The following NSUN2 variants were observed in gnomAD, a reference collection of about 807,000 sequenced individuals.
The protein encoded by NSUN2 is RNA cytosine C(5)-methyltransferase NSUN2.
A neutral mutation model predicts 92.7 loss-of-function variants in NSUN2; 63 were observed. That is an observed-to-expected ratio of 0.68 (90% confidence interval 0.56 to 0.84). NSUN2 has a LOEUF of 0.84. Among genes scored for constraint, NSUN2 ranks in the 40% least tolerant of loss-of-function variants. NSUN2 has a pLI of 0.00. For synonymous variants in NSUN2, 356 were observed against 348.3 expected, an observed-to-expected ratio of 1.02 and a Z score of -0.25; for missense variants, 989 against 964.9, an observed-to-expected ratio of 1.02 and a Z score of -0.33.
At chr5:6,631,228 C>T (rs538520146) in intron 3 of NSUN2, among the ~76,000 whole-genome samples, 69 of 152,308 alleles carry the variant, frequency 4.5e-4, no homozygotes, top group Non-Finnish European at 9.1e-4. Flanking sequence ...CTGGCGCCTC[C>T]GGAGTTCTCC....
chr5:6,631,024 G>A (rs1462081070), intron 3 of NSUN2, among the ~76,000 whole-genome samples: 2 of 152,212 alleles, frequency 1.3e-5, no homozygotes, highest in African/African-American at 2.4e-5. Context: ...AACCAGGGAG[G>A]TGGAGCTTGC....
intron 9 of NSUN2, among the ~76,000 whole-genome samples, chr5:6,612,957 C>T (rs1474927806): frequency 6.6e-6 from 1 of 152,192 alleles, no homozygotes; most frequent in African/African-American, 2.4e-5. Context: ...CACCAGCAAC[C>T]ACCCACTCTA....
rs1426983461 is a variant in NSUN2 at position 6,631,959 on chromosome 5, G to A, written c.273C>T (p.Leu91=). Residue 91 remains leucine, a synonymous_variant, in exon 3 of 19, where the codon CTC becomes CTT. Transcript: ENST00000264670. ...TGYKSHAKEI[L]HCLKNKYFKE... ...TAAAATATTTGTTCTTTAAGCAATG[G>A]AGAATCTCTTTTGCGTGGCTATTGA... is the stretch of plus-strand genomic sequence containing the variant. 1.3e-5 allele frequency: 21 copies of A among 1,613,036 alleles called. No individual in the cohort carries two copies. The highest frequency in any genetic ancestry group is 1.1e-4 in the South Asian group (10 of 90,732).
chr5:6,608,107 G>A (rs1307194402), intron 12 of NSUN2, among the ~76,000 whole-genome samples: 1 of 152,212 alleles, frequency 6.6e-6, no homozygotes, highest in African/African-American at 2.4e-5. Context: ...GAGCCACAAA[G>A]CTACTGAGCA....
In NSUN2 at chr5:6,625,550, A is replaced by C; in HGVS notation, c.465+14T>G. On this transcript the variant is annotated intron_variant, in intron 4 of 18. Coordinates refer to ENST00000264670, the MANE Select transcript of NSUN2 (RefSeq NM_017755.6). ...GCTTTAAGGAAACTAGCAAGTCTAA[A>C]GAAATCAACTTACAGATTCTGTTTC... 1.3e-6 allele frequency: 2 copies of C among 1,589,718 alleles called. No individual in the cohort carries two copies. Among genetic ancestry groups the C allele is most frequent in the East Asian group, 2.2e-5 (1 of 44,772 alleles).
chr5:6,604,971 T>C, intron 15 of NSUN2: 1 of 592,774 alleles, frequency 1.7e-6, no homozygotes, highest in East Asian at 2.8e-5. Flanking sequence ...TCGCAGCCTC[T>C]ACACCTTTAG....
Position 6,632,703 on chromosome 5 carries a change from G to T in NSUN2, c.150C>A (p.His50Gln). 6.2e-7 allele frequency: 1 copy of T among 1,614,160 alleles called. No individual in the cohort carries two copies. Among genetic ancestry groups the T allele is most frequent in the Non-Finnish European group, 8.5e-7 (1 of 1,180,024 alleles). The part of the protein sequence containing the change: ...EIVKENKLFE[H>Q]YYQELKIVPE... ...GCACGATCTTGAGCTCCTGGTAGTA[G>T]TGCTCGAACAGCTTGTTCTCCTTGA... The change falls in exon 2 of 19, where the codon CAC becomes CAA. Residue 50 changes from histidine to glutamine, a missense_variant. By Grantham distance (24) the His-to-Gln change is conservative. Transcript: ENST00000264670.
intron 4 of NSUN2, among the ~76,000 whole-genome samples, chr5:6,623,502 A>G (rs943966618): frequency 4.6e-5 from 7 of 152,216 alleles, no homozygotes; most frequent in African/African-American, 1.7e-4. Flanking sequence ...AAATTCAGGT[A>G]TAATACCAAC....
At chr5:6,613,769 G>A (rs1294814612) in intron 9 of NSUN2, among the ~76,000 whole-genome samples, 1 of 152,186 alleles carries the variant, frequency 6.6e-6, no homozygotes, top group African/African-American at 2.4e-5. Flanking sequence ...AAGCTGGACA[G>A]GGAAAGAGGG....
intron 18 of NSUN2, among the ~76,000 whole-genome samples, chr5:6,601,273 A>G (rs149469758): frequency 4.7e-4 from 71 of 152,220 alleles, no homozygotes; most frequent in African/African-American, 1.6e-3. Context: ...AAATATCCCA[A>G]TATTTTCTAT....
chr5:6,612,559 T>C (rs996558835), intron 9 of NSUN2, among the ~76,000 whole-genome samples: 1 of 152,156 alleles, frequency 6.6e-6, no homozygotes, highest in Non-Finnish European at 1.5e-5. Flanking sequence ...CAGATACTGA[T>C]GTGACAGCCT....
intron 9 of NSUN2, 125 bp downstream of exon 9, chr5:6,616,602 C>T (rs1737221247): frequency 6.2e-6 from 1 of 160,138 alleles, no homozygotes; most frequent in Non-Finnish European, 9.5e-6. Context: ...GGGAATATAC[C>T]TAACGGGACT....
At chr5:6,613,277 A>G (rs142868406) in intron 9 of NSUN2, among the ~76,000 whole-genome samples, 4 of 152,392 alleles carry the variant, frequency 2.6e-5, no homozygotes, top group African/African-American at 2.4e-5. Context: ...AACACAATCA[A>G]AACTATTCAA....
Position 6,611,747 on chromosome 5 carries a change from A to G in NSUN2, c.1073T>C (p.Met358Thr). 2 of 1,614,192 alleles carry G rather than the reference A, an allele frequency of 1.2e-6. No individual in the cohort carries two copies. Among genetic ancestry groups the G allele is most frequent in the Admixed American group, 3.3e-5 (2 of 60,028 alleles). The change falls in exon 10 of 19, where the codon ATG becomes ACG. Residue 358 changes from methionine to threonine, a missense_variant. Met to Thr is a moderately conservative substitution (Grantham distance 81). Transcript: ENST00000264670. ...VSNELPGLKW[M>T]PGITQWKVMT... Reference sequence around the variant, plus strand: ...TACCTTCCACTGTGTGATTCCAGGCATCCACTTCAGCCCTGGCAGTTCATT... The same window carrying G: ...TACCTTCCACTGTGTGATTCCAGGCGTCCACTTCAGCCCTGGCAGTTCATT...
At position 6,603,846 on chromosome 5, in the gene NSUN2, C is replaced by G. The variant is rs1736651226; in HGVS notation, c.1957+292G>C. 1.4e-5 allele frequency: 4 copies of G among 296,224 alleles called. No individual in the cohort carries two copies. In the South Asian group the frequency reaches 2.3e-4, roughly 17 times the overall value. 18.3% of individuals were successfully genotyped at this position (296,224 alleles called of 1,614,324 possible). On this transcript the variant is annotated intron_variant, in intron 17 of 18. Coordinates refer to ENST00000264670, the MANE Select transcript of NSUN2 (RefSeq NM_017755.6). ...CCTCCTCTCCCCGGACTCTCTGGCC[C>G]AGCAAGGTGAGCAAAGGCCAGCCCT...
chr5:6,627,521 A>T (rs1056473427), intron 3 of NSUN2, among the ~76,000 whole-genome samples: 14 of 152,270 alleles, frequency 9.2e-5, no homozygotes, highest in Non-Finnish European at 1.3e-4. Context: ...TTGAACAAAT[A>T]TAGCCTTATA....
At chr5:6,601,756 T>A (rs1350394815) in intron 18 of NSUN2, among the ~76,000 whole-genome samples, 6 of 151,860 alleles carry the variant, frequency 4.0e-5, no homozygotes. Context: ...ACCTATTCAC[T>A]CCCCCAAATC....
chr5:6,627,467 C>G (rs1223931192), intron 3 of NSUN2, among the ~76,000 whole-genome samples: 1 of 152,156 alleles, frequency 6.6e-6, no homozygotes, highest in Non-Finnish European at 1.5e-5. Flanking sequence ...TTGTAAAGAG[C>G]TGAATTTTCA....
At chr5:6,619,212 A>G (rs1048198729) in intron 7 of NSUN2, among the ~76,000 whole-genome samples, 2 of 152,224 alleles carry the variant, frequency 1.3e-5, no homozygotes, top group Non-Finnish European at 2.9e-5. Flanking sequence ...ATTTTACTTT[A>G]AAGAGGGCTT....
Sources: allele counts gnomAD v4.1 joint callset (sites outside exome capture counted in the v4.1 genomes callset), GRCh38; gene constraint gnomAD v4.1.1; transcripts MANE v1.5; gene names NCBI Gene and HGNC (gene_info 2026-07-23, HGNC 2026-07-21).